SBNO1: variants seen among roughly 807,000 people sequenced by gnomAD.
SBNO1 encodes the protein strawberry notch homolog 1.
Under a neutral mutation model 173.6 loss-of-function variants are expected in SBNO1, and 23 were observed. That is an observed-to-expected ratio of 0.13 (90% CI 0.10 to 0.19). SBNO1 has a LOEUF of 0.19. Ranked by LOEUF, SBNO1 falls within the 10% of genes least tolerant of loss-of-function variation. The pLI is 1.00. For synonymous variants in SBNO1, 632 were observed against 571.5 expected (o/e 1.11, Z -1.51); for missense variants, 1,238 against 1,671.2 (o/e 0.74, Z 4.52).
At chr12:123,351,928 C>T (rs1873928121) in intron 1 of SBNO1, among the ~76,000 whole-genome samples, 1 of 152,012 alleles carries the variant, frequency 6.6e-6, no homozygotes, top group African/African-American at 2.4e-5. Context: ...AAAAAATAAA[C>T]ACCGAGCCCA....
In SBNO1 at chr12:123,317,239, T is replaced by G. The variant is rs1381835449; in HGVS notation, c.2917A>C (p.Arg973=). The change falls in exon 21 of 32, where the codon AGA becomes CGA. Residue 973 remains arginine (R), a synonymous_variant. Transcript: ENST00000602398. The part of the protein sequence containing the change: ...MTLELPWSAD[R]AIQQFGRTHR... ...AACTTACCGAACTGTTGAATTGCTCTATCAGCGCTCCAAGGTAATTCTAAA... is the reference window on the plus strand; with the variant it reads ...AACTTACCGAACTGTTGAATTGCTCGATCAGCGCTCCAAGGTAATTCTAAA... The G allele has an allele frequency of 6.2e-7, 1 of 1,614,052 alleles. No homozygotes were observed. The highest frequency in any genetic ancestry group is 2.2e-5 in the East Asian group (1 of 44,898).
chr12:123,309,870 A>T lies in SBNO1; in HGVS notation c.3296-14T>A. On this transcript the variant is annotated splice_polypyrimidine_tract_variant and intron_variant, in intron 25 of 31. Coordinates refer to ENST00000602398, the MANE Select transcript of SBNO1 (RefSeq NM_001167856.3). ...TGTTGTTATAATCTGTAATGACAAAAGATAAACGTTTTCATGCAAATGATA... is the reference window on the plus strand; with the variant it reads ...TGTTGTTATAATCTGTAATGACAAATGATAAACGTTTTCATGCAAATGATA... 1 of 1,555,188 alleles carries T rather than the reference A, an allele frequency of 6.4e-7. No homozygotes were observed. The highest frequency in any genetic ancestry group is 1.2e-5 in the South Asian group (1 of 84,100).
At chr12:123,306,511 A>G (rs2048917371) in intron 28 of SBNO1, among the ~76,000 whole-genome samples, 1 of 152,200 alleles carries the variant, frequency 6.6e-6, no homozygotes, top group East Asian at 1.9e-4. Flanking sequence ...CAGGACTTTC[A>G]TCACAATCTA....
rs956163273 is a variant in SBNO1 at position 123,289,937 on chromosome 12, G to C, written c.*5971C>G. 1 of 152,302 alleles carries C rather than the reference G, an allele frequency of 6.6e-6. No homozygotes were observed. The highest frequency in any genetic ancestry group is 2.4e-5 in the African/African-American group (1 of 41,472). 9.4% of individuals were successfully genotyped at this position (152,302 alleles called of 1,614,324 possible). A position where few individuals can be genotyped will look rare whatever the true frequency, so the allele number is the denominator to read the frequency against. ...CTGCCCAGGCACAAATGGGCCACAA[G>C]GGCAGGGTACTGGTTAGGGGCCCGC... On this transcript the variant is annotated 3_prime_UTR_variant, in exon 32 of 32. Transcript: ENST00000602398.
intron 7 of SBNO1, 128 bp downstream of exon 7, chr12:123,333,925 C>T (rs1871528673): frequency 3.4e-6 from 2 of 581,910 alleles, no homozygotes; most frequent in Admixed American, 4.1e-5. Context: ...TTTTCCAACA[C>T]ATTAAACTTT....
chr12:123,319,532 T>A (rs1012415770), intron 20 of SBNO1, among the ~76,000 whole-genome samples: 15 of 152,072 alleles, frequency 9.9e-5, no homozygotes, highest in Middle Eastern at 3.2e-3. Context: ...CTCTGCCTTC[T>A]GAGCAGCTGG....
intron 30 of SBNO1, among the ~76,000 whole-genome samples, chr12:123,299,025 T>C (rs2048694343): frequency 6.6e-6 from 1 of 151,622 alleles, no homozygotes; most frequent in South Asian, 2.1e-4. Flanking sequence ...GAGTTTGAGA[T>C]CAGCCTGGCC....
intron 4 of SBNO1, among the ~76,000 whole-genome samples, chr12:123,343,577 C>A (rs1276032911): frequency 7.0e-6 from 1 of 141,892 alleles, no homozygotes; most frequent in Non-Finnish European, 1.5e-5. Context: ...CTTGCTCTGT[C>A]GCCCAGGCTG....
In SBNO1 at chr12:123,327,896, T is replaced by A; in HGVS notation, c.1428A>T (p.Ala476=). Reference sequence around the variant, plus strand: ...TTTAAATAAATAAATACTCACCAGTTGCACTAGCATAAACAACTCTGGCTT... The same window carrying A: ...TTTAAATAAATAAATACTCACCAGTAGCACTAGCATAAACAACTCTGGCTT... The part of the protein sequence containing the change: ...LPKARVVYAS[A]TGASEPRNMA... The change falls in exon 11 of 32, where the codon GCA becomes GCT. Residue 476 remains alanine, a synonymous_variant. Transcript: ENST00000602398. The A allele has an allele frequency of 1.9e-6, 3 of 1,607,616 alleles. No individual in the cohort carries two copies. Among genetic ancestry groups the A allele is most frequent in the Non-Finnish European group, 2.6e-6 (3 of 1,176,298 alleles).
intron 1 of SBNO1, among the ~76,000 whole-genome samples, chr12:123,353,341 T>C (rs1360175062): frequency 6.6e-6 from 1 of 152,170 alleles, no homozygotes; most frequent in Admixed American, 6.6e-5. Context: ...CAGGAAGTGG[T>C]AGAAGATTAG....
intron 25 of SBNO1, among the ~76,000 whole-genome samples, chr12:123,310,378 C>G (rs10846511): frequency 6.6e-6 from 1 of 151,664 alleles, no homozygotes; most frequent in African/African-American, 2.4e-5. Context: ...GGATTACAGG[C>G]GCCCGCCACT....
chr12:123,296,483 AG>A (rs1250096414), intron 31 of SBNO1, among the ~76,000 whole-genome samples: 5 of 152,296 alleles, frequency 3.3e-5, no homozygotes, highest in Admixed American at 2.0e-4. Flanking sequence ...GTGCTGGTTA[AG>A]GGAACTTTAA....
chr12:123,364,543 C>T (rs1249943945), intron 1 of SBNO1, 158 bp downstream of exon 1: 130 of 983,426 alleles, frequency 1.3e-4, no homozygotes, highest in Non-Finnish European at 1.5e-4. Context: ...CCCCGGAGCG[C>T]GCGGCCGCGA....
At chr12:123,313,167 A>G (rs977851140) in intron 24 of SBNO1, among the ~76,000 whole-genome samples, 27 of 151,416 alleles carry the variant, frequency 1.8e-4, no homozygotes, top group Non-Finnish European at 4.0e-4. Context: ...ATGCCACTGC[A>G]CTCCAGCCTG....
At chr12:123,349,332 G>C (rs989283602) in intron 2 of SBNO1, among the ~76,000 whole-genome samples, 2 of 152,002 alleles carry the variant, frequency 1.3e-5, no homozygotes, top group Non-Finnish European at 2.9e-5. Flanking sequence ...AAACTCCTGG[G>C]CTCAAGCAAT....
At chr12:123,318,791 G>T (rs1869607414) in intron 20 of SBNO1, among the ~76,000 whole-genome samples, 1 of 151,242 alleles carries the variant, frequency 6.6e-6, no homozygotes, top group African/African-American at 2.4e-5. Context: ...TACAATGGTT[G>T]GATATGGGAA....
chr12:123,320,516 C>A lies in SBNO1; in HGVS notation c.2583G>T (p.Lys861Asn), dbSNP rs758567991. The A allele has an allele frequency of 6.2e-7, 1 of 1,614,074 alleles. No homozygotes were observed. Among genetic ancestry groups the A allele is most frequent in the East Asian group, 2.2e-5 (1 of 44,874 alleles). The change falls in exon 19 of 32, where the codon AAG becomes AAT. Residue 861 changes from lysine to asparagine, a missense_variant. Transcript: ENST00000602398. ...AQQMKKDLLD[K>N]LEKLAEDLPP... ...GGAGGTCTTCAGCTAATTTTTCTAG[C>A]TTATCAAGCAGGTCTTTCTTCATCT...
chr12:123,317,506 T>C, intron 20 of SBNO1, 150 bp from the exon 21 acceptor site: 1 of 712,708 alleles, frequency 1.4e-6, no homozygotes, highest in South Asian at 1.9e-5. Flanking sequence ...CCCTTACGGC[T>C]AAGTGTGAAC....
rs2048550533 is a variant in SBNO1, at chr12:123,294,152, G to A, written c.*1756C>T. ...GGCAAAATGTGCCAAAGAACAGAAAGTACTTTCAATTTATTCTTTTAGGCA... is the reference window on the plus strand; with the variant it reads ...GGCAAAATGTGCCAAAGAACAGAAAATACTTTCAATTTATTCTTTTAGGCA... On this transcript the variant is annotated 3_prime_UTR_variant, in exon 32 of 32. Coordinates refer to ENST00000602398, the MANE Select transcript of SBNO1 (RefSeq NM_001167856.3). 6.6e-6 allele frequency: 1 copy of A among 152,192 alleles called. No individual in the cohort carries two copies. Among genetic ancestry groups the A allele is most frequent in the Non-Finnish European group, 1.5e-5 (1 of 68,038 alleles). The allele number at this position is 152,192 out of a possible 1,614,324, so 9.4% of individuals were successfully genotyped here. A position where few individuals can be genotyped will look rare whatever the true frequency, so the allele number is the denominator to read the frequency against.
Sources: allele counts gnomAD v4.1 joint callset (sites outside exome capture counted in the v4.1 genomes callset), GRCh38; gene constraint gnomAD v4.1.1; transcripts MANE v1.5; gene names NCBI Gene and HGNC (gene_info 2026-07-23, HGNC 2026-07-21).